Variants in USP15 observed in about 807,000 individuals in gnomAD.
USP15 encodes the protein ubiquitin specific peptidase 15, also known as ubiquitin carboxyl-terminal hydrolase 15.
Under a neutral mutation model 127.1 loss-of-function variants are expected in USP15, and 18 were observed. The ratio of observed to expected loss-of-function variants is 0.14; its 90% CI spans 0.10 to 0.21. USP15 has a LOEUF of 0.21. Ranked by LOEUF, USP15 falls within the 10% of genes least tolerant of loss-of-function variation. The pLI, the probability that USP15 is intolerant of heterozygous loss-of-function variation, is 1.00. For missense variants in USP15, 805 were observed against 1,159.9 expected (o/e 0.69, Z 4.44); for synonymous variants, 364 against 393.7 (o/e 0.92, Z 0.89).
rs11174465 is a variant in USP15, at chr12:62,414,357, T to C, written c.*9982T>C. On this transcript the variant is annotated 3_prime_UTR_variant, in exon 22 of 22. Transcript: ENST00000280377. The stretch of plus-strand genomic sequence containing the variant: ...TGCCTGGTTTTTGTTTTGTTTTGTT[T>C]TGAGACAAGGTCTTTCTCTGTCACC... 52,013 of 151,906 alleles carry C rather than the reference T, an allele frequency of 0.34. 10,556 individuals carry two copies. The highest frequency in any genetic ancestry group is 0.45 in the East Asian group (2,326 of 5,120). 9.4% of individuals were successfully genotyped at this position (151,906 alleles called of 1,614,324 possible). A position where few individuals can be genotyped will look rare whatever the true frequency, so the allele number is the denominator to read the frequency against.
Position 62,405,755 on chromosome 12 carries a change from A to C in USP15, c.*1380A>C, listed in dbSNP as rs1423636957. 6.6e-6 allele frequency: 1 copy of C among 152,582 alleles called. No individual in the cohort carries two copies. The highest frequency in any genetic ancestry group is 1.5e-5 in the Non-Finnish European group (1 of 68,004). 9.5% of individuals were successfully genotyped at this position (152,582 alleles called of 1,614,324 possible). A position where few individuals can be genotyped will look rare whatever the true frequency, so the allele number is the denominator to read the frequency against. ...AAAAAGTATAATGTTCTTCACTTGA[A>C]CTAATCAAATACAATAGATTATAAA... On this transcript the variant is annotated 3_prime_UTR_variant, in exon 22 of 22. Coordinates refer to ENST00000280377, the MANE Select transcript of USP15 (RefSeq NM_001252078.2).
At chr12:62,334,239 A>G (rs1430661746) in intron 6 of USP15, 1 of 152,172 alleles carries the variant, frequency 6.6e-6, no homozygotes, top group African/African-American at 2.4e-5. Context: ...TATTAGGTAC[A>G]TGAGGGTTAA....
chr12:62,378,892 T>G (rs948445085), intron 8 of USP15, among the ~76,000 whole-genome samples: 2 of 152,146 alleles, frequency 1.3e-5, no homozygotes, highest in African/African-American at 4.8e-5. Flanking sequence ...AATGCATTAG[T>G]AAATACAGGC....
intron 1 of USP15, among the ~76,000 whole-genome samples, chr12:62,284,531 T>C (rs1378808072): frequency 3.9e-5 from 6 of 152,218 alleles, no homozygotes; most frequent in African/African-American, 1.4e-4. Context: ...GCTTTAGCTA[T>C]TTTCGGACGT....
chr12:62,325,806 A>G (rs1400360446), intron 5 of USP15, 66 bp from the exon 6 acceptor site: 5 of 1,336,562 alleles, frequency 3.7e-6, no homozygotes, highest in East Asian at 4.8e-5. Flanking sequence ...TTATCCAGCT[A>G]TCTTCTAAAG....
At chr12:62,398,251 CTGAG>C (rs1470588549) in intron 20 of USP15, among the ~76,000 whole-genome samples, 2 of 152,120 alleles carry the variant, frequency 1.3e-5, no homozygotes, top group African/African-American at 4.8e-5. Flanking sequence ...CCTCAGCCTC[CTGAG>C]TATCAGGGAC....
intron 6 of USP15, among the ~76,000 whole-genome samples, chr12:62,342,785 A>G (rs953171941): frequency 4.6e-5 from 7 of 152,112 alleles, no homozygotes; most frequent in African/African-American, 1.7e-4. Flanking sequence ...TTCGTCCCAG[A>G]GGGGCACTGG....
chr12:62,334,976 A>G (rs929476983), intron 6 of USP15, among the ~76,000 whole-genome samples: 4 of 152,214 alleles, frequency 2.6e-5, no homozygotes, highest in Non-Finnish European at 5.9e-5. Context: ...TCCATTTGTC[A>G]GGAGTAAGGC....
At chr12:62,334,941 T>C (rs926379493) in intron 6 of USP15, among the ~76,000 whole-genome samples, 1 of 152,150 alleles carries the variant, frequency 6.6e-6, no homozygotes, top group Non-Finnish European at 1.5e-5. Context: ...ATATTGGGCA[T>C]AGGGAAATTC....
chr12:62,264,711 C>A (rs11174403), intron 1 of USP15, among the ~76,000 whole-genome samples: 1 of 152,118 alleles, frequency 6.6e-6, no homozygotes, highest in East Asian at 1.9e-4. Context: ...CCCTTATGTT[C>A]GTGCAACTTT....
chr12:62,261,642 A>G (rs2063062151), intron 1 of USP15, among the ~76,000 whole-genome samples: 1 of 152,200 alleles, frequency 6.6e-6, no homozygotes, highest in Non-Finnish European at 1.5e-5. Flanking sequence ...TAATTTTATT[A>G]TAAGGATTTT....
chr12:62,273,126 A>C (rs1336085112), intron 1 of USP15, among the ~76,000 whole-genome samples: 1 of 149,730 alleles, frequency 6.7e-6, no homozygotes, highest in African/African-American at 2.5e-5. Flanking sequence ...TTCAACACTC[A>C]AAATTCCCAA....
chr12:62,293,488 C>T (rs1158809100), intron 1 of USP15, among the ~76,000 whole-genome samples: 9 of 152,214 alleles, frequency 5.9e-5, no homozygotes, highest in South Asian at 2.1e-4. Context: ...TCTTGAGTAG[C>T]TGGGGTTACA....
intron 1 of USP15, among the ~76,000 whole-genome samples, chr12:62,288,777 G>C (rs963934326): frequency 7.2e-5 from 11 of 152,050 alleles, no homozygotes; most frequent in African/African-American, 2.7e-4. Flanking sequence ...TCTGTGCCTA[G>C]TTTGTTGCAG....
intron 1 of USP15, 136 bp downstream of exon 1, chr12:62,260,639 C>T (rs1016532948): frequency 3.8e-6 from 3 of 787,958 alleles, no homozygotes; most frequent in Admixed American, 2.7e-5. Context: ...GGGATTTTGG[C>T]CGCTTCTGAA....
chr12:62,358,602 GCTA>G (rs1267175797), intron 8 of USP15, among the ~76,000 whole-genome samples: 1 of 152,098 alleles, frequency 6.6e-6, no homozygotes, highest in African/African-American at 2.4e-5. Context: ...TGTAATCCAA[GCTA>G]CTCGGGAGGC....
At chr12:62,372,285 A>C (rs977375076) in intron 8 of USP15, among the ~76,000 whole-genome samples, 2 of 152,114 alleles carry the variant, frequency 1.3e-5, no homozygotes, top group Non-Finnish European at 2.9e-5. Context: ...CGGTCCTGCA[A>C]ATGCAGTCGA....
At position 62,274,525 on chromosome 12, in the gene USP15, G is replaced by C. The variant is rs535402722; in HGVS notation, c.89+14022G>C. Among the ~76,000 whole-genome samples the C allele has an allele frequency of 2.6e-5, 4 of 151,812 alleles. No individual in the cohort carries two copies. The South Asian group carries it at 8.3e-4, about 32-fold the overall frequency. ...ACCGGGTGTGGTGGTGCTGTCTGTC[G>C]TCCCAGCTACTTGGAAGGCTGAGGC... On this transcript the variant is annotated intron_variant, in intron 1 of 21. Transcript: ENST00000280377.
At chr12:62,385,232 TA>T (rs2067112722) in intron 11 of USP15, among the ~76,000 whole-genome samples, 1 of 151,966 alleles carries the variant, frequency 6.6e-6, no homozygotes, top group Non-Finnish European at 1.5e-5. Flanking sequence ...CTACTAAGTA[TA>T]AAGCTCTTTG....
Sources: gnomAD v4.1 joint callset for allele counts (sites outside exome capture counted in the v4.1 genomes callset) on GRCh38, gnomAD v4.1.1 for gene constraint, MANE v1.5 for transcripts, NCBI Gene and HGNC (gene_info 2026-07-23, HGNC 2026-07-21) for gene names.